CAB39L: variants seen among roughly 807,000 people sequenced by gnomAD.
The protein encoded by CAB39L is calcium binding protein 39 like.
A neutral mutation model predicts 39.1 loss-of-function variants in CAB39L; 23 were observed. The ratio of observed to expected loss-of-function variants is 0.59; its 90% CI spans 0.42 to 0.83. The LOEUF is 0.83. Ranked by LOEUF, CAB39L falls within the 40% of genes least tolerant of loss-of-function variation. The pLI is 0.00. For synonymous variants in CAB39L, 126 were observed against 137.2 expected (o/e 0.92, Z 0.57); for missense variants, 366 against 391.9 (o/e 0.93, Z 0.56).
intron 3 of CAB39L, among the ~76,000 whole-genome samples, chr13:49,390,501 C>T (rs537497975): frequency 6.6e-6 from 1 of 152,044 alleles, no homozygotes; most frequent in East Asian, 1.9e-4. Flanking sequence ...ATATAAATCA[C>T]GTGCAAGAAT....
At chr13:49,443,059 A>G (rs1436585500) in intron 1 of CAB39L, among the ~76,000 whole-genome samples, 2 of 147,142 alleles carry the variant, frequency 1.4e-5, no homozygotes, top group African/African-American at 2.5e-5. Context: ...ATGAAAGACA[A>G]TGCAATGCCA....
At chr13:49,340,330 G>A (rs1954973050) in intron 8 of CAB39L, among the ~76,000 whole-genome samples, 2 of 152,152 alleles carry the variant, frequency 1.3e-5, no homozygotes, top group Non-Finnish European at 1.5e-5. Flanking sequence ...CTGGCATCTG[G>A]GGAGGTTCAG....
chr13:49,369,604 T>C (rs572685823), intron 5 of CAB39L, among the ~76,000 whole-genome samples: 2 of 152,042 alleles, frequency 1.3e-5, no homozygotes, highest in African/African-American at 4.8e-5. Context: ...TTTTTTTTTT[T>C]TGAGACAAAG....
intron 5 of CAB39L, among the ~76,000 whole-genome samples, chr13:49,369,876 G>A (rs891706392): frequency 2.0e-5 from 3 of 151,054 alleles, no homozygotes; most frequent in African/African-American, 4.9e-5. Flanking sequence ...GTGAGCCACC[G>A]TGCCCAGCCG....
chr13:49,350,750 A>C lies in CAB39L; in HGVS notation c.558T>G (p.Thr186=). Reference sequence around the variant, plus strand: ...GTTGGAAAAAAAAAATTACCTTGAAAGTAGCAAAGGCATCTGAAGCAATAT... The same window carrying C: ...GTTGGAAAAAAAAAATTACCTTGAACGTAGCAAAGGCATCTGAAGCAATAT... The part of the protein sequence containing the change: ...TFDIASDAFA[T]FKDLLTRHKV... Residue 186 remains threonine, a synonymous_variant, in exon 7 of 11, where the codon ACT becomes ACG. Transcript: ENST00000409308. 6.5e-7 allele frequency: 1 copy of C among 1,548,806 alleles called. No individual in the cohort carries two copies. The highest frequency in any genetic ancestry group is 8.7e-7 in the Non-Finnish European group (1 of 1,145,450).
intron 3 of CAB39L, among the ~76,000 whole-genome samples, chr13:49,428,318 T>C (rs2138725725): frequency 6.6e-6 from 1 of 152,354 alleles, no homozygotes; most frequent in South Asian, 2.1e-4. Flanking sequence ...GGTTCTTTGC[T>C]GTTTGGGCCT....
intron 9 of CAB39L, among the ~76,000 whole-genome samples, 180 bp downstream of exon 9, chr13:49,339,497 A>G (rs920908062): frequency 6.6e-6 from 1 of 152,212 alleles, no homozygotes; most frequent in Admixed American, 6.5e-5. Context: ...GCAGGACAGG[A>G]CACTTACATT....
At position 49,323,820 on chromosome 13, in the gene CAB39L, T is replaced by A. The variant is rs1269169279; in HGVS notation, c.834+8127A>T. ...TCCCTCCAGGTTAGCATTACCAGATTTAGTAAACAGAAAGAGAGGATGCCC... is the reference window on the plus strand; with the variant it reads ...TCCCTCCAGGTTAGCATTACCAGATATAGTAAACAGAAAGAGAGGATGCCC... On this transcript the variant is annotated intron_variant, in intron 10 of 10. Coordinates refer to ENST00000409308, the MANE Select transcript of CAB39L (RefSeq NM_001079670.3). Among the ~76,000 whole-genome samples, 8 of 152,166 alleles carry A rather than the reference T, an allele frequency of 5.3e-5. No homozygotes were observed. The East Asian group carries it at 1.5e-3, about 29-fold the overall frequency.
intron 3 of CAB39L, among the ~76,000 whole-genome samples, chr13:49,397,060 C>G (rs1298200055): frequency 1.3e-5 from 2 of 152,128 alleles, no homozygotes; most frequent in Admixed American, 1.3e-4. Context: ...CAAAGCATAT[C>G]ATTATATATG....
intron 6 of CAB39L, among the ~76,000 whole-genome samples, chr13:49,351,619 TA>T (rs1955359766): frequency 6.6e-6 from 1 of 152,162 alleles, no homozygotes; most frequent in Non-Finnish European, 1.5e-5. Context: ...ACTTATGCTT[TA>T]AAAAGATCAC....
At chr13:49,405,642 A>C (rs534897089) in intron 3 of CAB39L, among the ~76,000 whole-genome samples, 1 of 151,490 alleles carries the variant, frequency 6.6e-6, no homozygotes, top group African/African-American at 2.4e-5. Context: ...AATTGCTGGC[A>C]CATGATTGAA....
chr13:49,370,017 CAG>C (rs1366980045), intron 5 of CAB39L, among the ~76,000 whole-genome samples: 1 of 152,040 alleles, frequency 6.6e-6, no homozygotes, highest in East Asian at 1.9e-4. Flanking sequence ...CCAGTGAAGT[CAG>C]GGACTTCTCT....
At chr13:49,443,233 A>G (rs1957575595) in intron 1 of CAB39L, among the ~76,000 whole-genome samples, 1 of 152,034 alleles carries the variant, frequency 6.6e-6, no homozygotes, top group Admixed American at 6.6e-5. Context: ...GCAGACCCAG[A>G]GATTTATAAT....
chr13:49,321,962 T>A (rs1471203666), intron 10 of CAB39L, among the ~76,000 whole-genome samples: 1 of 152,242 alleles, frequency 6.6e-6, no homozygotes, highest in African/African-American at 2.4e-5. Flanking sequence ...CACGGAGTTT[T>A]TAAAAAGTTT....
At position 49,395,618 on chromosome 13, in the gene CAB39L, G is replaced by C. The variant is rs911937408; in HGVS notation, c.-31-12677C>G. Among the ~76,000 whole-genome samples, 3 of 152,278 alleles carry C rather than the reference G, an allele frequency of 2.0e-5. No homozygotes were observed. The East Asian group carries it at 5.8e-4, about 29-fold the overall frequency. Reference sequence around the variant, plus strand: ...AGTAGTACTTGGCTCAGATTCTGGAGAGAAAGCCAAAAAAGATCATCCAAC... The same window carrying C: ...AGTAGTACTTGGCTCAGATTCTGGACAGAAAGCCAAAAAAGATCATCCAAC... On this transcript the variant is annotated intron_variant, in intron 3 of 10. Coordinates refer to ENST00000409308, the MANE Select transcript of CAB39L (RefSeq NM_001079670.3).
chr13:49,431,810 G>A (rs1957330091), intron 3 of CAB39L, among the ~76,000 whole-genome samples: 1 of 152,092 alleles, frequency 6.6e-6, no homozygotes, highest in Non-Finnish European at 1.5e-5. Flanking sequence ...GAATGCATAT[G>A]TCCATATAAA....
intron 6 of CAB39L, among the ~76,000 whole-genome samples, chr13:49,357,048 CAA>C (rs11447143): frequency 8.9e-5 from 11 of 123,154 alleles, no homozygotes; most frequent in Admixed American, 1.6e-4. Context: ...GACTCCATCT[CAA>C]AAAAAAAAAA....
rs1188091246 is a variant in CAB39L at position 49,378,414 on chromosome 13, G to A, written c.112-1283C>T. On this transcript the variant is annotated intron_variant, in intron 4 of 10. Coordinates refer to ENST00000409308, the MANE Select transcript of CAB39L (RefSeq NM_001079670.3). ...CCGTGCCGTCCGGGAGGGAGGTGGG[G>A]GGGTCAGCCCCCCGCCCGGCCAGCC... Among the ~76,000 whole-genome samples the A allele has an allele frequency of 5.9e-5, 4 of 68,336 alleles. 1 individual carries two copies. The highest frequency in any genetic ancestry group is 5.9e-5 in the Non-Finnish European group (2 of 34,110). The allele number at this position is 68,336 out of a possible 152,430, so 44.8% of individuals were successfully genotyped here.
At chr13:49,429,823 C>T (rs964844143) in intron 3 of CAB39L, among the ~76,000 whole-genome samples, 1 of 152,102 alleles carries the variant, frequency 6.6e-6, no homozygotes, top group African/African-American at 2.4e-5. Flanking sequence ...GTGTTTTTCA[C>T]TTTGTTCTTA....
Sources: gnomAD v4.1 joint callset for allele counts (sites outside exome capture counted in the v4.1 genomes callset) on GRCh38, gnomAD v4.1.1 for gene constraint, MANE v1.5 for transcripts, NCBI Gene and HGNC (gene_info 2026-07-23, HGNC 2026-07-21) for gene names.